The following HDAC4 variants were observed in gnomAD, a reference collection of about 807,000 sequenced individuals.
HDAC4 encodes the protein histone deacetylase 4.
In HDAC4, 16 loss-of-function variants were observed where a neutral mutation model predicts 135.1. The observed-to-expected ratio is 0.12, with a 90% CI of 0.08 to 0.18. The LOEUF (loss-of-function observed/expected upper bound fraction) is 0.18, where lower values mean the gene tolerates loss of function less well. HDAC4 is among the 10% of genes least tolerant of loss of function. The pLI, the probability that HDAC4 is intolerant of heterozygous loss-of-function variation, is 1.00. For synonymous variants in HDAC4, 685 were observed against 653.4 expected (o/e 1.05, Z -0.74); for missense variants, 1,143 against 1,511.8 (o/e 0.76, Z 4.05).
Position 239,111,593 on chromosome 2 carries a change from G to T in HDAC4, c.1911C>A (p.Ser637=), listed in dbSNP as rs1189836802. The change falls in exon 14 of 27, where the codon TCC becomes TCA. Residue 637 remains serine, a synonymous_variant. Transcript: ENST00000543185. Reference sequence around the variant, plus strand: ...CGGGGAAGGTGGCAGACGCGGGTGAGGACTGCGCCCGGGACAGAGGCCTGT... The same window carrying T: ...CGGGGAAGGTGGCAGACGCGGGTGATGACTGCGCCCGGGACAGAGGCCTGT... The part of the protein sequence containing the change: ...GGHRPLSRAQ[S]SPASATFPVS... 1.9e-6 allele frequency: 3 copies of T among 1,611,796 alleles called. No homozygotes were observed. The highest frequency in any genetic ancestry group is 1.1e-5 in the South Asian group (1 of 90,874).
chr2:239,359,633 G>C (rs1046805548), intron 1 of HDAC4, among the ~76,000 whole-genome samples: 5 of 152,184 alleles, frequency 3.3e-5, no homozygotes, highest in African/African-American at 1.2e-4. Context: ...CCTCCACTCG[G>C]TCACATACTC....
At chr2:239,143,563 A>C (rs1225641481) in intron 8 of HDAC4, among the ~76,000 whole-genome samples, 1 of 152,214 alleles carries the variant, frequency 6.6e-6, no homozygotes, top group Non-Finnish European at 1.5e-5. Flanking sequence ...TTTAATAGAA[A>C]TCCACAAATA....
intron 2 of HDAC4, among the ~76,000 whole-genome samples, chr2:239,281,030 A>G (rs2050696788): frequency 7.6e-6 from 1 of 131,792 alleles, no homozygotes. Context: ...ACCACTCTCA[A>G]TGTACATACC....
At chr2:239,142,168 T>C (rs2041421866) in intron 8 of HDAC4, among the ~76,000 whole-genome samples, 1 of 152,074 alleles carries the variant, frequency 6.6e-6, no homozygotes, top group African/African-American at 2.4e-5. Flanking sequence ...GGGAATGCAT[T>C]TTCTTCTTTG....
chr2:239,100,542 G>C lies in HDAC4; in HGVS notation c.2233+2234C>G, dbSNP rs537178472. On this transcript the variant is annotated intron_variant, in intron 16 of 26. Transcript: ENST00000543185. ...GCCCCCAGCCTCCTTCCCCTGTGTG[G>C]CTCCAGCTCCAGGTCCCTGTCCAGC... Among the ~76,000 whole-genome samples, 341 of 152,254 alleles carry C rather than the reference G, an allele frequency of 2.2e-3. 1 individual carries two copies. The highest frequency in any genetic ancestry group is 7.9e-3 in the African/African-American group (330 of 41,536).
chr2:239,275,346 A>C (rs765828487), intron 2 of HDAC4, among the ~76,000 whole-genome samples: 4 of 152,244 alleles, frequency 2.6e-5, no homozygotes, highest in Non-Finnish European at 4.4e-5. Context: ...AGAGGCAAGC[A>C]AATGATTCAT....
chr2:239,179,729 G>A (rs1361766764), intron 4 of HDAC4, among the ~76,000 whole-genome samples: 1 of 152,244 alleles, frequency 6.6e-6, no homozygotes. Context: ...TACATCGGAC[G>A]GGCAGAGGCA....
At chr2:239,061,275 T>A (rs981375265) in intron 24 of HDAC4, among the ~76,000 whole-genome samples, 1 of 150,756 alleles carries the variant, frequency 6.6e-6, no homozygotes, top group African/African-American at 2.4e-5. Context: ...CGTGCAGATG[T>A]GAGACTGGTG....
intron 22 of HDAC4, among the ~76,000 whole-genome samples, chr2:239,073,172 T>C (rs1210486025): frequency 6.6e-6 from 1 of 152,218 alleles, no homozygotes; most frequent in Non-Finnish European, 1.5e-5. Flanking sequence ...GGAACTTAGA[T>C]GGGAGTCACA....
In HDAC4 at chr2:239,139,598, G is replaced by T; in HGVS notation, c.978+86C>A. 1.7e-6 allele frequency: 2 copies of T among 1,204,576 alleles called. No individual in the cohort carries two copies. Among genetic ancestry groups the T allele is most frequent in the Non-Finnish European group, 2.5e-6 (2 of 807,142 alleles). The allele number at this position is 1,204,576 out of a possible 1,614,324, so 74.6% of individuals were successfully genotyped here. ...CAAATTGGAAGGTGAAGAGTGAAGG[G>T]CAAGTGCAAAGTGGGGTCATTTCAA... On this transcript the variant is annotated intron_variant, in intron 9 of 26. Coordinates refer to ENST00000543185, the MANE Select transcript of HDAC4 (RefSeq NM_001378414.1). The surrounding 1 kb of genome is among the most constrained non-coding windows in gnomAD (Gnocchi z 5.3).
chr2:239,205,100 G>A (rs2045966896), intron 3 of HDAC4, among the ~76,000 whole-genome samples: 1 of 152,200 alleles, frequency 6.6e-6, no homozygotes, highest in South Asian at 2.1e-4. Flanking sequence ...CACGTGGCTG[G>A]CAGGTGGCAA....
chr2:239,187,846 G>A (rs1016077600), intron 4 of HDAC4, among the ~76,000 whole-genome samples: 5 of 152,214 alleles, frequency 3.3e-5, no homozygotes, highest in Non-Finnish European at 5.9e-5. Flanking sequence ...GACAAGTGAC[G>A]TGTTTGTTAC....
chr2:239,210,338 AT>A (rs1468529081), intron 3 of HDAC4, among the ~76,000 whole-genome samples: 3 of 152,150 alleles, frequency 2.0e-5, no homozygotes, highest in African/African-American at 7.2e-5. Flanking sequence ...AAAAACAAAA[AT>A]AAACAAGCTG....
chr2:239,319,712 T>C (rs1447544526), intron 2 of HDAC4, among the ~76,000 whole-genome samples: 1 of 152,194 alleles, frequency 6.6e-6, no homozygotes, highest in African/African-American at 2.4e-5. Context: ...CAAAATTGAA[T>C]GCAAGACACT....
At chr2:239,208,918 T>G (rs1411830841) in intron 3 of HDAC4, among the ~76,000 whole-genome samples, 1 of 152,232 alleles carries the variant, frequency 6.6e-6, no homozygotes, top group Non-Finnish European at 1.5e-5. Flanking sequence ...GTTCTCACTC[T>G]GTCACCCAGG....
At chr2:239,188,027 C>T (rs962274694) in intron 4 of HDAC4, among the ~76,000 whole-genome samples, 3 of 152,228 alleles carry the variant, frequency 2.0e-5, no homozygotes, top group South Asian at 4.1e-4. Context: ...GCCAAGGCAA[C>T]GGTGCCAAGT....
intron 3 of HDAC4, among the ~76,000 whole-genome samples, chr2:239,229,931 T>A (rs138888255): frequency 6.7e-4 from 102 of 152,214 alleles, no homozygotes; most frequent in African/African-American, 2.3e-3. Context: ...GAATGCAAAT[T>A]TCCCCCCCAA....
intron 22 of HDAC4, among the ~76,000 whole-genome samples, chr2:239,076,990 C>CT (rs1404264488): frequency 6.6e-6 from 1 of 152,146 alleles, no homozygotes; most frequent in Non-Finnish European, 1.5e-5. Context: ...ACTTCAACCT[C>CT]TTTGAGATGG....
In HDAC4 at chr2:239,084,244, T is replaced by TGCGGGAGAGAACTGAC; in HGVS notation, c.2445-18_2445-3dup. Reference sequence around the variant, plus strand: ...ACGGAGTTGAAGTAGCAAAAGCCCCTGCGGGAGAGAACTGACGCTGGAGAC... The same window carrying TGCGGGAGAGAACTGAC: ...ACGGAGTTGAAGTAGCAAAAGCCCCTGCGGGAGAGAACTGACGCGGGAGAGAACTGACGCTGGAGAC... On this transcript the variant is annotated splice_region_variant and splice_polypyrimidine_tract_variant and intron_variant, in intron 19 of 26. Coordinates refer to ENST00000543185, the MANE Select transcript of HDAC4 (RefSeq NM_001378414.1). The TGCGGGAGAGAACTGAC allele has an allele frequency of 6.2e-7, 1 of 1,609,426 alleles. No individual in the cohort carries two copies.
Sources: allele counts gnomAD v4.1 joint callset (sites outside exome capture counted in the v4.1 genomes callset), GRCh38; gene constraint gnomAD v4.1.1; non-coding constraint Gnocchi (gnomAD v3.1); transcripts MANE v1.5; gene names NCBI Gene and HGNC (gene_info 2026-07-23, HGNC 2026-07-21).